SGCZ: variants seen among roughly 807,000 people sequenced by gnomAD.
The protein encoded by SGCZ is sarcoglycan zeta.
SGCZ carries 40 observed loss-of-function variants against 41.3 expected under a neutral mutation model. That is an observed-to-expected ratio of 0.97 (90% CI 0.75 to 1.26). SGCZ has a LOEUF of 1.26. SGCZ is among the 50% of genes most tolerant of loss of function. SGCZ has a pLI of 0.00. For missense variants in SGCZ, 552 were observed against 369.8 expected (o/e 1.49, Z -4.04); for synonymous variants, 206 against 137.5 (o/e 1.50, Z -3.49).
chr8:14,657,192 T>C (rs953679007), intron 1 of SGCZ, among the ~76,000 whole-genome samples: 3 of 152,040 alleles, frequency 2.0e-5, no homozygotes, highest in Non-Finnish European at 2.9e-5. Context: ...ATTTTCTTAG[T>C]TGAGTGAAGA....
At chr8:14,146,890 A>AATAATAATAAT (rs1554467204) in intron 5 of SGCZ, among the ~76,000 whole-genome samples, 7 of 116,184 alleles carry the variant, frequency 6.0e-5, no homozygotes, top group Non-Finnish European at 1.1e-4. Flanking sequence ...AAAATAAAAA[A>AATAATAATAAT]AATAATAATA....
chr8:14,373,927 C>T (rs1315109129), intron 2 of SGCZ, among the ~76,000 whole-genome samples: 2 of 152,018 alleles, frequency 1.3e-5, no homozygotes, highest in African/African-American at 2.4e-5. Context: ...CCATGGCACA[C>T]GTTTACCTAT....
chr8:14,996,330 G>A (rs989778672), intron 1 of SGCZ, among the ~76,000 whole-genome samples: 1 of 152,192 alleles, frequency 6.6e-6, no homozygotes, highest in African/African-American at 2.4e-5. Context: ...CATGCACCCT[G>A]ACAACTGGTG....
intron 1 of SGCZ, among the ~76,000 whole-genome samples, chr8:14,627,603 A>G (rs1806504723): frequency 1.3e-5 from 2 of 152,236 alleles, no homozygotes; most frequent in Middle Eastern, 3.4e-3. Flanking sequence ...TTAGCAATAT[A>G]TGGTTATTCC....
intron 1 of SGCZ, among the ~76,000 whole-genome samples, chr8:15,006,214 C>A (rs903389904): frequency 6.6e-6 from 1 of 152,166 alleles, no homozygotes; most frequent in Admixed American, 6.5e-5. Context: ...TAGCACTAGA[C>A]ATACTGATGA....
intron 7 of SGCZ, among the ~76,000 whole-genome samples, chr8:14,096,682 C>G (rs192124985): frequency 6.6e-6 from 1 of 152,118 alleles, no homozygotes; most frequent in Non-Finnish European, 1.5e-5. Context: ...AGGGATGGTA[C>G]CAGCTCTTCT....
intron 1 of SGCZ, among the ~76,000 whole-genome samples, chr8:14,831,644 G>GTGTGTGTA (rs199982117): frequency 6.7e-6 from 1 of 150,164 alleles, no homozygotes. Context: ...GTGTGTGTGT[G>GTGTGTGTA]TATATATATA....
At position 15,237,864 on chromosome 8, in the gene SGCZ, G is replaced by GTCA. The variant is rs1802192043; in HGVS notation, c.-242_-241insTGA. ...GATTTAGTGACAGGTGATCTCTACC[G>GTCA]CGGTGCAACACAGCTGAGTCGATTG... On this transcript the variant is annotated 5_prime_UTR_variant, in exon 1 of 8. Coordinates refer to ENST00000382080, the MANE Select transcript of SGCZ (RefSeq NM_139167.4). The GTCA allele has an allele frequency of 5.1e-5, 26 of 509,806 alleles. No individual in the cohort carries two copies. In the South Asian group the frequency reaches 7.7e-4, roughly 15 times the overall value. 31.6% of individuals were successfully genotyped at this position (509,806 alleles called of 1,614,324 possible).
chr8:15,214,415 A>G, intron 1 of SGCZ, among the ~76,000 whole-genome samples: 1 of 152,126 alleles, frequency 6.6e-6, no homozygotes, highest in East Asian at 1.9e-4. Context: ...TAATGTCCTA[A>G]AAATTCACAT....
In SGCZ at chr8:14,538,587, A is replaced by G. The variant is rs530307960; in HGVS notation, c.234+16145T>C. On this transcript the variant is annotated intron_variant, in intron 2 of 7. Coordinates refer to ENST00000382080, the MANE Select transcript of SGCZ (RefSeq NM_139167.4). ...ATATACTTTCTATGGAGAAAGTGTC[A>G]GAGCAAATGTTAGAAGAATAATTAT... is the stretch of plus-strand genomic sequence containing the variant. 1.4e-3 allele frequency among the ~76,000 whole-genome samples: 208 copies of G among 152,126 alleles called. 4 individuals are homozygous for G. The highest frequency in any genetic ancestry group is 4.4e-3 in the African/African-American group (181 of 41,550).
intron 4 of SGCZ, among the ~76,000 whole-genome samples, chr8:14,166,654 T>C (rs1271425053): frequency 6.6e-6 from 1 of 152,134 alleles, no homozygotes; most frequent in Non-Finnish European, 1.5e-5. Flanking sequence ...AGATGTACAT[T>C]AGACAACATT....
chr8:14,837,413 A>T (rs1171349749), intron 1 of SGCZ, among the ~76,000 whole-genome samples: 2 of 152,206 alleles, frequency 1.3e-5, no homozygotes, highest in Non-Finnish European at 2.9e-5. Context: ...GATGTGTAGA[A>T]AGGTCCACTT....
At chr8:14,184,942 T>C (rs931204238) in intron 4 of SGCZ, among the ~76,000 whole-genome samples, 7 of 152,194 alleles carry the variant, frequency 4.6e-5, no homozygotes, top group African/African-American at 1.7e-4. Flanking sequence ...AGCAATAAAA[T>C]TTTTTATCAT....
At chr8:14,377,337 G>A (rs139879280) in intron 2 of SGCZ, among the ~76,000 whole-genome samples, 1 of 151,960 alleles carries the variant, frequency 6.6e-6, no homozygotes, top group Non-Finnish European at 1.5e-5. Context: ...GGTACCCCTT[G>A]CCACATACCT....
chr8:14,505,120 G>C (rs984048982), intron 2 of SGCZ, among the ~76,000 whole-genome samples: 2 of 152,074 alleles, frequency 1.3e-5, no homozygotes, highest in Non-Finnish European at 2.9e-5. Flanking sequence ...CCACACTCCA[G>C]CCTGGGTGTT....
At chr8:14,969,266 T>C in intron 1 of SGCZ, among the ~76,000 whole-genome samples, 1 of 152,178 alleles carries the variant, frequency 6.6e-6, no homozygotes, top group East Asian at 1.9e-4. Context: ...ATTAAAATTC[T>C]AGGCCACTGG....
chr8:14,286,373 A>G (rs780118907), intron 3 of SGCZ, among the ~76,000 whole-genome samples: 4 of 152,128 alleles, frequency 2.6e-5, no homozygotes, highest in Non-Finnish European at 5.9e-5. Context: ...CTGACCTCCA[A>G]TTACAATTCT....
chr8:15,067,701 C>T (rs569214501), intron 1 of SGCZ, among the ~76,000 whole-genome samples: 9 of 152,136 alleles, frequency 5.9e-5, no homozygotes, highest in South Asian at 2.1e-4. Flanking sequence ...CTATCTACCT[C>T]AAAACTCATT....
chr8:15,009,811 C>T (rs1802763375), intron 1 of SGCZ, among the ~76,000 whole-genome samples: 1 of 152,058 alleles, frequency 6.6e-6, no homozygotes, highest in South Asian at 2.1e-4. Flanking sequence ...ATGGATAAGC[C>T]TCTGTCCATT....
Sources: allele counts gnomAD v4.1 joint callset (sites outside exome capture counted in the v4.1 genomes callset), GRCh38; gene constraint gnomAD v4.1.1; transcripts MANE v1.5; gene names NCBI Gene and HGNC (gene_info 2026-07-23, HGNC 2026-07-21).